CAPN14: variants seen among roughly 807,000 people sequenced by gnomAD.
The protein encoded by CAPN14 is calpain-14.
Under a neutral mutation model 101.3 loss-of-function variants are expected in CAPN14, and 94 were observed. The observed-to-expected ratio is 0.93, with a 90% confidence interval of 0.79 to 1.10. The LOEUF is 1.10. CAPN14 is among the 50% of genes least tolerant of loss of function. The pLI is 0.00. For synonymous variants in CAPN14, 338 were observed against 317.9 expected, an observed-to-expected ratio of 1.06 and a Z score of -0.67; for missense variants, 837 against 828.4, an observed-to-expected ratio of 1.01 and a Z score of -0.13.
rs772866717 is a variant in CAPN14, at chr2:31,177,092, C to G, written c.1906G>C (p.Gly636Arg). 2.7e-5 allele frequency: 42 copies of G among 1,551,438 alleles called. No individual in the cohort carries two copies. In the Middle Eastern group the frequency reaches 1.5e-3, roughly 56 times the overall value. ...ACAAAGTCCATCTGGAGGCGGGGGC[C>G]GCCGTAGCGGATGAGCATCAGCTGA... ...VCQLMLIRYG[G>R]PRLQMDFVSF... is the part of the protein sequence containing the mutation. Residue 636 changes from glycine to arginine, a missense_variant, in exon 20 of 22, where the codon GGC becomes CGC. Coordinates refer to ENST00000403897, the MANE Select transcript of CAPN14 (RefSeq NM_001145122.2).
intron 16 of CAPN14, among the ~76,000 whole-genome samples, chr2:31,183,647 A>G (rs1680761706): frequency 6.6e-6 from 1 of 152,228 alleles, no homozygotes; most frequent in African/African-American, 2.4e-5. Flanking sequence ...ATATGATCTC[A>G]CACCAGTTAG....
In CAPN14 at chr2:31,207,823, C is replaced by T. The variant is rs144552921; in HGVS notation, c.-52-2324G>A. On this transcript the variant is annotated intron_variant, in intron 1 of 21. Coordinates refer to ENST00000403897, the MANE Select transcript of CAPN14 (RefSeq NM_001145122.2). ...TAAATTTAAATTATTTGATCAATTG[C>T]TATAAAAGTTTCTAAACACTTGCTC... Among the ~76,000 whole-genome samples, 741 of 152,234 alleles carry T rather than the reference C, an allele frequency of 4.9e-3. 9 individuals are homozygous for T. The highest frequency in any genetic ancestry group is 0.017 in the African/African-American group (709 of 41,542).
intron 8 of CAPN14, 80 bp downstream of exon 8, chr2:31,197,169 A>G (rs1264663956): frequency 4.2e-6 from 4 of 947,704 alleles, no homozygotes; most frequent in Non-Finnish European, 6.6e-6. Context: ...GAAAGCACAC[A>G]TTTGAATCTG....
At chr2:31,197,160 A>G (rs1230407586) in intron 8 of CAPN14, 89 bp downstream of exon 8, 3 of 863,302 alleles carry the variant, frequency 3.5e-6, no homozygotes, top group South Asian at 3.0e-5. Flanking sequence ...AAGACCAAAG[A>G]AAGCACACAT....
intron 21 of CAPN14, 30 bp downstream of exon 21, chr2:31,176,557 C>T (rs1011331524): frequency 1.3e-6 from 2 of 1,542,102 alleles, no homozygotes; most frequent in East Asian, 2.4e-5. Context: ...CGTAAGATGA[C>T]ATGAGCCACC....
chr2:31,230,094 C>T lies in CAPN14; in HGVS notation c.-176-3443G>A, dbSNP rs1683144444. ...GTTTGTTATATAGGTAAACTAGTGT[C>T]ATGGAGGTCTGTTGTACAGATGATT... On this transcript the variant is annotated intron_variant and NMD_transcript_variant, in intron 1 of 21. Coordinates refer to the CAPN14 transcript ENST00000398824. This position sits in a 1 kb window ranked among gnomAD's most constrained non-coding sequence, Gnocchi z 4.3. Among the ~76,000 whole-genome samples, 1 of 152,122 alleles carries T rather than the reference C, an allele frequency of 6.6e-6. No homozygotes were observed. Among genetic ancestry groups the T allele is most frequent in the South Asian group, 2.1e-4 (1 of 4,816 alleles).
chr2:31,174,823 A>C, intron 21 of CAPN14, 116 bp from the exon 22 acceptor site: 1 of 952,140 alleles, frequency 1.1e-6, no homozygotes, highest in Non-Finnish European at 1.6e-6. Context: ...TGGTTTAGCC[A>C]GAGGGAGCAT....
At chr2:31,178,108 C>A (rs1680403791) in intron 18 of CAPN14, among the ~76,000 whole-genome samples, 1 of 152,196 alleles carries the variant, frequency 6.6e-6, no homozygotes, top group Non-Finnish European at 1.5e-5. Flanking sequence ...ATTATCCACA[C>A]TTTAAAGTGA....
At chr2:31,215,184 T>A (rs1029611986) in intron 1 of CAPN14, among the ~76,000 whole-genome samples, 3 of 152,252 alleles carry the variant, frequency 2.0e-5, no homozygotes, top group Non-Finnish European at 2.9e-5. Flanking sequence ...TCCTTCTGAT[T>A]TTTTAAAACA....
At chr2:31,181,215 C>T (rs1168786736) in intron 16 of CAPN14, among the ~76,000 whole-genome samples, 2 of 152,074 alleles carry the variant, frequency 1.3e-5, no homozygotes, top group Non-Finnish European at 2.9e-5. Flanking sequence ...ATGCCTGGTA[C>T]GGCTTGGGTT....
intron 8 of CAPN14, among the ~76,000 whole-genome samples, chr2:31,196,948 A>G (rs1371627105): frequency 6.6e-6 from 1 of 152,240 alleles, no homozygotes; most frequent in Non-Finnish European, 1.5e-5. Context: ...TGGGGATAAA[A>G]CTATCTACTT....
rs191200568 is a variant in CAPN14 at position 31,230,127 on chromosome 2, C to T, written c.-176-3476G>A. Among the ~76,000 whole-genome samples the T allele has an allele frequency of 2.1e-3, 323 of 152,240 alleles. 2 individuals carry two copies. The highest frequency in any genetic ancestry group is 7.2e-3 in the African/African-American group (300 of 41,528). Reference sequence around the variant, plus strand: ...TCTGTTGTACAGATGATTTCATCACCCAGGTGTTAAGTCTAGTAACCAATA... The same window carrying T: ...TCTGTTGTACAGATGATTTCATCACTCAGGTGTTAAGTCTAGTAACCAATA... On this transcript the variant is annotated intron_variant and NMD_transcript_variant, in intron 1 of 21. Transcript: ENST00000398824. This position sits in a 1 kb window ranked among gnomAD's most constrained non-coding sequence, Gnocchi z 4.3.
In CAPN14 at chr2:31,193,123, A is replaced by G. The variant is rs947660408; in HGVS notation, c.1114+8T>C. 3.9e-6 allele frequency: 6 copies of G among 1,547,934 alleles called. No individual in the cohort carries two copies. The highest frequency in any genetic ancestry group is 2.0e-5 in the Admixed American group (1 of 50,960). Reference sequence around the variant, plus strand: ...CCCTGAGAGCCCTGCTCCTGTGCACATGCTCACCCTGCAGCAACTGCCTCT... The same window carrying G: ...CCCTGAGAGCCCTGCTCCTGTGCACGTGCTCACCCTGCAGCAACTGCCTCT... On this transcript the variant is annotated splice_region_variant and intron_variant, in intron 10 of 21. Coordinates refer to ENST00000403897, the MANE Select transcript of CAPN14 (RefSeq NM_001145122.2).
Position 31,173,141 on chromosome 2 carries a change from A to T in CAPN14, c.*1540T>A, listed in dbSNP as rs1255845284. ...GACAAAGACACAAATAAGTCAATGG[A>T]TATAAAAAACTGTAAAAGGCTGTAA... On this transcript the variant is annotated 3_prime_UTR_variant, in exon 22 of 22. Transcript: ENST00000403897. 1 of 152,264 alleles carries T rather than the reference A, an allele frequency of 6.6e-6. No individual in the cohort carries two copies. Among genetic ancestry groups the T allele is most frequent in the African/African-American group, 2.4e-5 (1 of 41,472 alleles). 9.4% of individuals were successfully genotyped at this position (152,264 alleles called of 1,614,324 possible). A position where few individuals can be genotyped will look rare whatever the true frequency, so the allele number is the denominator to read the frequency against.
intron 15 of CAPN14, 27 bp downstream of exon 15, chr2:31,187,731 A>AC (rs923157955): frequency 1.9e-6 from 3 of 1,542,044 alleles, no homozygotes; most frequent in African/African-American, 2.8e-5. Context: ...GCTCTTCCTC[A>AC]CCCCCCACCA....
At chr2:31,226,974 T>C (rs952176457) in intron 1 of CAPN14, among the ~76,000 whole-genome samples, 22 of 152,176 alleles carry the variant, frequency 1.4e-4, no homozygotes, top group African/African-American at 4.3e-4. Context: ...TGCACCTGAG[T>C]TTCCCTCTGG....
At chr2:31,206,790 T>C (rs1682121908) in intron 1 of CAPN14, among the ~76,000 whole-genome samples, 1 of 152,174 alleles carries the variant, frequency 6.6e-6, no homozygotes, top group Admixed American at 6.5e-5. Flanking sequence ...ATTTTACAGT[T>C]GCAAAACCAC....
At position 31,177,762 on chromosome 2, in the gene CAPN14, A is replaced by T. The variant is rs1414737919; in HGVS notation, c.1839T>A (p.Ala613=). Residue 613 remains alanine (A), a synonymous_variant, in exon 19 of 22, where the codon GCT becomes GCA. Coordinates refer to ENST00000403897, the MANE Select transcript of CAPN14 (RefSeq NM_001145122.2). ...SGYLNWEQLH[A]AMREAGIMLS... The stretch of plus-strand genomic sequence containing the variant: ...TGTGCCTACCTGCCTCCCTCATGGC[A>T]GCGTGCAGCTGCTCCCAGTTCAGGT... 6.4e-7 allele frequency: 1 copy of T among 1,551,888 alleles called. No homozygotes were observed.
chr2:31,183,603 C>T (rs969957143), intron 16 of CAPN14, among the ~76,000 whole-genome samples: 2 of 152,034 alleles, frequency 1.3e-5, no homozygotes, highest in Admixed American at 1.3e-4. Flanking sequence ...CCATCACTGG[C>T]CATCAGAGAA....
Sources: gnomAD v4.1 joint callset for allele counts (sites outside exome capture counted in the v4.1 genomes callset) on GRCh38, gnomAD v4.1.1 for gene constraint, Gnocchi (gnomAD v3.1) non-coding constraint, MANE v1.5 for transcripts, NCBI Gene and HGNC (gene_info 2026-07-23, HGNC 2026-07-21) for gene names.